Variants in HMGCLL1 observed in about 807,000 individuals in gnomAD.
HMGCLL1 encodes the protein 3-hydroxy-3-methylglutaryl-CoA lyase like 1.
A neutral mutation model predicts 39.1 loss-of-function variants in HMGCLL1; 36 were observed. The observed-to-expected ratio is 0.92, with a 90% CI of 0.71 to 1.22. HMGCLL1 has a LOEUF of 1.22. Among genes scored for constraint, HMGCLL1 ranks in the 50% most tolerant of loss-of-function variants. The pLI is 0.00. For synonymous variants in HMGCLL1, 149 were observed against 144.0 expected, an observed-to-expected ratio of 1.03 and a Z score of -0.25; for missense variants, 451 against 416.5, an observed-to-expected ratio of 1.08 and a Z score of -0.72.
At chr6:55,536,847 A>G (rs1265580161) in intron 3 of HMGCLL1, among the ~76,000 whole-genome samples, 2 of 152,180 alleles carry the variant, frequency 1.3e-5, no homozygotes, top group Non-Finnish European at 2.9e-5. Flanking sequence ...AAACTGTAAA[A>G]AAGCTTTAAA....
At chr6:55,521,477 T>C (rs905248252) in intron 3 of HMGCLL1, among the ~76,000 whole-genome samples, 4 of 152,134 alleles carry the variant, frequency 2.6e-5, no homozygotes, top group Non-Finnish European at 5.9e-5. Context: ...GCATCATTTT[T>C]CCAACAGAAT....
At chr6:55,588,419 A>G in the HMGCLL1 span, among the ~76,000 whole-genome samples, 1,820 of 152,250 alleles carry the variant, frequency 0.012, 25 homozygotes, top group South Asian at 0.052. Context: ...ATAGAGGGAA[A>G]CTTACAGCAC....
the HMGCLL1 span, among the ~76,000 whole-genome samples, chr6:55,651,571 A>G: frequency 6.6e-6 from 1 of 152,046 alleles, no homozygotes; most frequent in Non-Finnish European, 1.5e-5. Context: ...TGGCACAAGC[A>G]TTTCCTTAGC....
the HMGCLL1 span, among the ~76,000 whole-genome samples, chr6:55,633,419 T>C: frequency 2.0e-5 from 3 of 151,612 alleles, no homozygotes; most frequent in South Asian, 6.2e-4. Context: ...TTCATATAGA[T>C]AAATTAGCAT....
intron 7 of HMGCLL1, among the ~76,000 whole-genome samples, chr6:55,476,411 T>C (rs1404402664): frequency 1.3e-5 from 2 of 151,668 alleles, no homozygotes; most frequent in African/African-American, 4.8e-5. Context: ...TATATTGTGC[T>C]TATATTCTAC....
intron 4 of HMGCLL1, among the ~76,000 whole-genome samples, chr6:55,514,445 G>A (rs951295998): frequency 2.0e-5 from 3 of 151,882 alleles, no homozygotes; most frequent in African/African-American, 4.8e-5. Context: ...CAATGAGGAT[G>A]TTCTATTTAA....
intron 7 of HMGCLL1, among the ~76,000 whole-genome samples, chr6:55,440,547 A>G (rs1189347388): frequency 6.6e-6 from 1 of 152,154 alleles, no homozygotes; most frequent in Non-Finnish European, 1.5e-5. Context: ...TATGAGAAGA[A>G]CAGAGGCAGG....
chr6:55,619,503 A>G, the HMGCLL1 span, among the ~76,000 whole-genome samples: 1 of 152,050 alleles, frequency 6.6e-6, no homozygotes, highest in African/African-American at 2.4e-5. Context: ...AATTATATTT[A>G]TTTGGTTCTT....
chr6:55,657,191 C>T, the HMGCLL1 span, among the ~76,000 whole-genome samples: 13 of 151,956 alleles, frequency 8.6e-5, no homozygotes, highest in African/African-American at 1.2e-4. Flanking sequence ...TGTGCAGAAG[C>T]GCTTTAGTTT....
chr6:55,439,806 TA>T, intron 7 of HMGCLL1: 1 of 352,482 alleles, frequency 2.8e-6, no homozygotes, highest in Non-Finnish European at 5.1e-6. Context: ...TGATCAAAAG[TA>T]AAATGGTGTT....
chr6:55,558,048 G>C (rs966350687), intron 1 of HMGCLL1, among the ~76,000 whole-genome samples: 1 of 152,178 alleles, frequency 6.6e-6, no homozygotes, highest in East Asian at 1.9e-4. Context: ...TTTAAATGGA[G>C]AAAGGGAATT....
In HMGCLL1 at chr6:55,499,306, TA is replaced by T; in HGVS notation, c.543-8del. 1.3e-6 allele frequency: 2 copies of T among 1,588,032 alleles called. No homozygotes were observed. The highest frequency in any genetic ancestry group is 2.3e-5 in the East Asian group (1 of 44,216). On this transcript the variant is annotated splice_polypyrimidine_tract_variant and splice_region_variant and intron_variant, in intron 5 of 8. Coordinates refer to ENST00000274901, the MANE Select transcript of HMGCLL1 (RefSeq NM_001042406.2). ...CAGAGCACAAGACACATACCTAAAT[TA>T]AAAATACAGCCTTATAAATATGCAT...
chr6:55,624,479 C>A, the HMGCLL1 span, among the ~76,000 whole-genome samples: 53 of 152,182 alleles, frequency 3.5e-4, 1 homozygote, highest in Admixed American at 2.0e-4. Flanking sequence ...AGCAATATAC[C>A]TTTACTGTCC....
chr6:55,498,120 G>A (rs1766677337), intron 6 of HMGCLL1, among the ~76,000 whole-genome samples: 1 of 152,114 alleles, frequency 6.6e-6, no homozygotes, highest in Non-Finnish European at 1.5e-5. Context: ...CTCACCCAAG[G>A]TGTGTGTGGT....
chr6:55,463,597 T>C (rs114995448), intron 7 of HMGCLL1, among the ~76,000 whole-genome samples: 2,092 of 152,208 alleles, frequency 0.014, 18 homozygotes, highest in Middle Eastern at 0.034. Context: ...ATAATACAAA[T>C]ATAACATTTT....
At chr6:55,627,113 C>T in the HMGCLL1 span, among the ~76,000 whole-genome samples, 1 of 137,684 alleles carries the variant, frequency 7.3e-6, no homozygotes, top group Non-Finnish European at 1.6e-5. Context: ...AAAGGGAATA[C>T]AGAAGGGGTA....
chr6:55,475,571 A>G (rs1233630956), intron 7 of HMGCLL1, among the ~76,000 whole-genome samples: 1 of 151,482 alleles, frequency 6.6e-6, no homozygotes, highest in African/African-American at 2.4e-5. Flanking sequence ...TGCCGTAAAA[A>G]TAAGGGTGAT....
At chr6:55,641,972 T>C in the HMGCLL1 span, among the ~76,000 whole-genome samples, 1 of 145,484 alleles carries the variant, frequency 6.9e-6, no homozygotes, top group Non-Finnish European at 1.5e-5. Flanking sequence ...GTTAGTTACA[T>C]ATGTATACAT....
At chr6:55,636,506 C>T in the HMGCLL1 span, among the ~76,000 whole-genome samples, 21 of 152,286 alleles carry the variant, frequency 1.4e-4, no homozygotes, top group African/African-American at 5.1e-4. Context: ...CAGCTGGACT[C>T]ACAACCTAAA....
Sources: allele counts gnomAD v4.1 joint callset (sites outside exome capture counted in the v4.1 genomes callset), GRCh38; gene constraint gnomAD v4.1.1; transcripts MANE v1.5; gene names NCBI Gene and HGNC (gene_info 2026-07-23, HGNC 2026-07-21).